The following CADPS variants were observed in gnomAD, a reference collection of about 807,000 sequenced individuals.
The protein encoded by CADPS is calcium-dependent secretion activator 1.
A neutral mutation model predicts 167.3 loss-of-function variants in CADPS; 57 were observed. That is an observed-to-expected ratio of 0.34 (90% CI 0.28 to 0.42). The LOEUF is 0.42. Ranked by LOEUF, CADPS falls within the 20% of genes least tolerant of loss-of-function variation. The pLI, the probability that CADPS is intolerant of heterozygous loss-of-function variation, is 1.00. For synonymous variants in CADPS, 676 were observed against 635.3 expected (o/e 1.06, Z -0.96); for missense variants, 1,414 against 1,738.1 (o/e 0.81, Z 3.32).
At chr3:62,524,046 C>T (rs980615319) in intron 13 of CADPS, among the ~76,000 whole-genome samples, 2 of 152,176 alleles carry the variant, frequency 1.3e-5, no homozygotes, top group Non-Finnish European at 2.9e-5. Context: ...CTAAATAGGA[C>T]ATTTAGACCA....
Position 62,465,283 on chromosome 3 carries a change from C to A in CADPS, c.3636+84G>T. On this transcript the variant is annotated intron_variant, in intron 26 of 29. Coordinates refer to ENST00000383710, the MANE Select transcript of CADPS (RefSeq NM_003716.4). This position sits in a 1 kb window ranked among gnomAD's most constrained non-coding sequence, Gnocchi z 4.1. ...ATTAACACACACACCCATCCCAAAACAAAATGACACAACATAACTCCTCTC... is the reference window on the plus strand; with the variant it reads ...ATTAACACACACACCCATCCCAAAAAAAAATGACACAACATAACTCCTCTC... 1.0e-6 allele frequency: 1 copy of A among 961,220 alleles called. No individual in the cohort carries two copies. Among genetic ancestry groups the A allele is most frequent in the South Asian group, 1.6e-5 (1 of 61,474 alleles). 59.5% of individuals were successfully genotyped at this position (961,220 alleles called of 1,614,324 possible).
intron 3 of CADPS, among the ~76,000 whole-genome samples, chr3:62,699,776 C>T (rs566196599): frequency 4.6e-5 from 7 of 152,192 alleles, no homozygotes; most frequent in African/African-American, 1.4e-4. Flanking sequence ...GCTACGTTGA[C>T]CAGGCTGATC....
At chr3:62,853,154 G>C (rs192777352) in intron 1 of CADPS, among the ~76,000 whole-genome samples, 1 of 152,264 alleles carries the variant, frequency 6.6e-6, no homozygotes, top group Admixed American at 6.5e-5. Context: ...AAATGTCACT[G>C]TGATCAATAC....
chr3:62,790,112 GA>G (rs1480780892), intron 1 of CADPS, among the ~76,000 whole-genome samples: 1 of 151,982 alleles, frequency 6.6e-6, no homozygotes, highest in Non-Finnish European at 1.5e-5. Context: ...ATCATATAAT[GA>G]AATAATACTT....
intron 6 of CADPS, among the ~76,000 whole-genome samples, chr3:62,618,654 A>G (rs2062705232): frequency 6.6e-6 from 1 of 152,136 alleles, no homozygotes; most frequent in South Asian, 2.1e-4. Context: ...TTCAGATGCC[A>G]ACTGTTTCAT....
intron 1 of CADPS, among the ~76,000 whole-genome samples, chr3:62,799,625 T>C (rs1466177357): frequency 6.6e-6 from 1 of 152,146 alleles, no homozygotes; most frequent in African/African-American, 2.4e-5. Context: ...TTTCTGTGTA[T>C]GTGACCCTGG....
At chr3:62,612,740 C>T (rs1562897007) in intron 6 of CADPS, among the ~76,000 whole-genome samples, 1 of 152,146 alleles carries the variant, frequency 6.6e-6, no homozygotes, top group Non-Finnish European at 1.5e-5. Flanking sequence ...GGACAGCTGT[C>T]CTTGCTGTAT....
At chr3:62,565,978 A>G (rs833656) in intron 9 of CADPS, among the ~76,000 whole-genome samples, 146,029 of 152,284 alleles carry the variant, frequency 0.96, 70,319 homozygotes, top group East Asian at 1. Context: ...TCCTCTCTTC[A>G]TCTTTGTTTT....
At chr3:62,464,784 G>A (rs994528531) in intron 26 of CADPS, among the ~76,000 whole-genome samples, 2 of 152,124 alleles carry the variant, frequency 1.3e-5, no homozygotes, top group African/African-American at 2.4e-5. Flanking sequence ...GGGGGTTACA[G>A]CAAACTGCAA....
intron 22 of CADPS, among the ~76,000 whole-genome samples, chr3:62,481,367 G>T (rs2061989784): frequency 6.6e-6 from 1 of 152,220 alleles, no homozygotes; most frequent in Admixed American, 6.5e-5. Flanking sequence ...TCAGGCCAGA[G>T]ATGACTGGCC....
chr3:62,404,069 GA>G (rs1235335096), intron 28 of CADPS: 1 of 137,486 alleles, frequency 7.3e-6, no homozygotes, highest in Non-Finnish European at 1.6e-5. Flanking sequence ...ACAGTGTTAT[GA>G]AGTGTCAGTA....
chr3:62,600,737 T>C (rs559679331), intron 6 of CADPS, among the ~76,000 whole-genome samples: 1 of 152,328 alleles, frequency 6.6e-6, no homozygotes, highest in South Asian at 2.1e-4. Flanking sequence ...TTGGGGGAGA[T>C]GCCCCGTGCA....
Position 62,753,638 on chromosome 3 carries a change from C to G in CADPS, c.691G>C (p.Glu231Gln). 3 of 1,614,172 alleles carry G rather than the reference C, an allele frequency of 1.9e-6. No individual in the cohort carries two copies. The highest frequency in any genetic ancestry group is 1.6e-4 in the Middle Eastern group (1 of 6,062). ...SLPEIDGLSK[E>Q]TVLSSWMAKF... ...GCCATCCAGGAGCTCAGCACAGTCT[C>G]CTTGCTGAGGCCGTCAATCTCAGGC... The change falls in exon 3 of 30, where the codon GAG becomes CAG. Residue 231 changes from glutamate to glutamine, a missense_variant. Glu to Gln is a conservative substitution (Grantham distance 29). Transcript: ENST00000383710. The surrounding 1 kb of genome is among the most constrained non-coding windows in gnomAD (Gnocchi z 4.6).
chr3:62,873,913 T>G (rs2083132380), intron 1 of CADPS, among the ~76,000 whole-genome samples: 1 of 152,092 alleles, frequency 6.6e-6, no homozygotes, highest in Non-Finnish European at 1.5e-5. Context: ...GGGGGACTGG[T>G]GAGAACTCCA....
rs138765775 is a variant in CADPS, at chr3:62,530,552, A to C, written c.2291+2319T>G. On this transcript the variant is annotated intron_variant, in intron 13 of 29. Coordinates refer to ENST00000383710, the MANE Select transcript of CADPS (RefSeq NM_003716.4). The stretch of plus-strand genomic sequence containing the variant: ...AAAATGCTTAAAGAGAGACTTTAGG[A>C]ATACTCAAAGCTTGCAAAAGTGGAA... The C allele has an allele frequency of 2.3e-4, 167 of 722,092 alleles. No homozygotes were observed. The African/African-American group carries it at 3.1e-3, about 13-fold the overall frequency. 44.7% of individuals were successfully genotyped at this position (722,092 alleles called of 1,614,324 possible). A position where few individuals can be genotyped will look rare whatever the true frequency, so the allele number is the denominator to read the frequency against.
rs2061558572 is a variant in CADPS, at chr3:62,478,204, C to T, written c.3329+57G>A. 1 of 1,583,546 alleles carries T rather than the reference C, an allele frequency of 6.3e-7. No individual in the cohort carries two copies. The highest frequency in any genetic ancestry group is 8.7e-7 in the Non-Finnish European group (1 of 1,155,354). On this transcript the variant is annotated intron_variant, in intron 23 of 29. Transcript: ENST00000383710. This position sits in a 1 kb window ranked among gnomAD's most constrained non-coding sequence, Gnocchi z 5.7. ...TGAAAGAGCAGCCATCTACCCTTCC[C>T]TGAGTCTGTGTATGGTGGGGAGGGT...
At chr3:62,730,753 A>G (rs1401767536) in intron 3 of CADPS, among the ~76,000 whole-genome samples, 1 of 152,208 alleles carries the variant, frequency 6.6e-6, no homozygotes, top group Non-Finnish European at 1.5e-5. Context: ...ACTTTTGCCA[A>G]TGAGTTGCAT....
chr3:62,799,305 T>C (rs1214206350), intron 1 of CADPS, among the ~76,000 whole-genome samples: 1 of 152,126 alleles, frequency 6.6e-6, no homozygotes, highest in East Asian at 1.9e-4. Flanking sequence ...AGGGTGCCTC[T>C]GTCCAGTGTT....
At chr3:62,614,389 G>A (rs956203741) in intron 6 of CADPS, among the ~76,000 whole-genome samples, 3 of 152,154 alleles carry the variant, frequency 2.0e-5, no homozygotes, top group African/African-American at 7.2e-5. Flanking sequence ...GGATCACAGG[G>A]TGGCTTACTT....
Sources: allele counts gnomAD v4.1 joint callset (sites outside exome capture counted in the v4.1 genomes callset), GRCh38; gene constraint gnomAD v4.1.1; non-coding constraint Gnocchi (gnomAD v3.1); transcripts MANE v1.5; gene names NCBI Gene and HGNC (gene_info 2026-07-23, HGNC 2026-07-21).